Variants in PRELID2 observed in about 807,000 individuals in gnomAD.
PRELID2 encodes PRELI domain containing 2.
A neutral mutation model predicts 28.4 loss-of-function variants in PRELID2; 25 were observed. The observed-to-expected ratio is 0.88, with a 90% CI of 0.64 to 1.23. The LOEUF (loss-of-function observed/expected upper bound fraction) is 1.23, where lower values mean the gene tolerates loss of function less well. Among genes scored for constraint, PRELID2 ranks in the 50% most tolerant of loss-of-function variants. The pLI is 0.00. For synonymous variants in PRELID2, 76 were observed against 71.6 expected, an observed-to-expected ratio of 1.06 and a Z score of -0.31; for missense variants, 201 against 214.4, an observed-to-expected ratio of 0.94 and a Z score of 0.39.
At chr5:145,471,165 C>G (rs1752049642), downstream of PRELID2, among the ~76,000 whole-genome samples, 1 of 152,088 alleles carries the variant, frequency 6.6e-6, no homozygotes, top group Non-Finnish European at 1.5e-5. Flanking sequence ...AATTGACAGG[C>G]TCCTCCCCCA....
chr5:145,387,560 C>G, the PRELID2 span, among the ~76,000 whole-genome samples: 21 of 152,292 alleles, frequency 1.4e-4, no homozygotes, highest in Non-Finnish European at 2.5e-4. Context: ...TGTCTACGCA[C>G]TTAAAAACTG....
chr5:145,386,512 C>T, the PRELID2 span, among the ~76,000 whole-genome samples: 1 of 152,090 alleles, frequency 6.6e-6, no homozygotes. Flanking sequence ...AAGACATGCC[C>T]CTTCCCCTTC....
the PRELID2 span, among the ~76,000 whole-genome samples, chr5:145,311,786 G>T: frequency 6.6e-6 from 1 of 152,058 alleles, no homozygotes; most frequent in Non-Finnish European, 1.5e-5. Context: ...TGCCATGCCT[G>T]CCCTCTAGAA....
intron 1 of PRELID2, among the ~76,000 whole-genome samples, chr5:145,646,993 A>G (rs546330970): frequency 1.8e-4 from 28 of 152,274 alleles, no homozygotes; most frequent in African/African-American, 6.5e-4. Context: ...GTTACACAGG[A>G]GTCAGGGACC....
intron 5 of PRELID2, among the ~76,000 whole-genome samples, chr5:145,774,719 C>A (rs1016015150): frequency 6.6e-6 from 1 of 152,208 alleles, no homozygotes; most frequent in Non-Finnish European, 1.5e-5. Context: ...TTAGGCCCAG[C>A]AGGGTAAACC....
chr5:145,240,247 T>C, the PRELID2 span, among the ~76,000 whole-genome samples: 18 of 152,062 alleles, frequency 1.2e-4, no homozygotes, highest in African/African-American at 3.6e-4. Context: ...GCTTTCTTTT[T>C]TTCATCAGAC....
chr5:145,615,230 G>A (rs909005836), intron 1 of PRELID2, among the ~76,000 whole-genome samples: 5 of 151,618 alleles, frequency 3.3e-5, no homozygotes, highest in Non-Finnish European at 7.4e-5. Context: ...AACTACCCCT[G>A]CTCGCTTTTG....
rs550482209 is a variant in PRELID2 at position 145,787,361 on chromosome 5, C to T, written c.474+9081G>A. Among the ~76,000 whole-genome samples, 6 of 152,060 alleles carry T rather than the reference C, an allele frequency of 3.9e-5. No homozygotes were observed. The South Asian group carries it at 6.2e-4, about 16-fold the overall frequency. The stretch of plus-strand genomic sequence containing the variant: ...GCAACTATGTGGGGGTTCACCAAAA[C>T]GTTCTTTTGCTTTGCGTTTGGAAAT... On this transcript the variant is annotated intron_variant, in intron 5 of 6. Coordinates refer to ENST00000683046, the MANE Select transcript of PRELID2 (RefSeq NM_205846.3).
At chr5:145,512,387 A>G (rs954974894) in intron 1 of PRELID2, among the ~76,000 whole-genome samples, 1 of 152,172 alleles carries the variant, frequency 6.6e-6, no homozygotes, top group Non-Finnish European at 1.5e-5. Flanking sequence ...CCTGGAACTT[A>G]AACTGGAAAG....
the PRELID2 span, among the ~76,000 whole-genome samples, chr5:145,449,315 G>A: frequency 6.6e-6 from 1 of 152,068 alleles, no homozygotes; most frequent in African/African-American, 2.4e-5. Context: ...ATTGAGTGGT[G>A]GAGGGACTCT....
At chr5:145,344,022 C>G in the PRELID2 span, among the ~76,000 whole-genome samples, 1 of 151,690 alleles carries the variant, frequency 6.6e-6, no homozygotes, top group East Asian at 1.9e-4. Context: ...TAATAAGTCT[C>G]TCAAAAAGGA....
rs188346054 is a variant in PRELID2, at chr5:145,786,810, C to A, written c.474+9632G>T. Among the ~76,000 whole-genome samples, 404 of 152,186 alleles carry A rather than the reference C, an allele frequency of 2.7e-3. 2 individuals are homozygous for A. Among genetic ancestry groups the A allele is most frequent in the Non-Finnish European group, 4.4e-3 (300 of 68,008 alleles). ...TAGTATCTCCACTTTTTTCTTGAGTCCCAGGAAATTATCTCCCACTACTAA... is the reference window on the plus strand; with the variant it reads ...TAGTATCTCCACTTTTTTCTTGAGTACCAGGAAATTATCTCCCACTACTAA... On this transcript the variant is annotated intron_variant, in intron 5 of 6. Transcript: ENST00000683046.
At chr5:145,356,056 A>G in the PRELID2 span, among the ~76,000 whole-genome samples, 1 of 152,192 alleles carries the variant, frequency 6.6e-6, no homozygotes. Flanking sequence ...AAAACTCTCC[A>G]AAGTTAACAG....
At chr5:145,297,147 G>C in the PRELID2 span, among the ~76,000 whole-genome samples, 8 of 152,108 alleles carry the variant, frequency 5.3e-5, no homozygotes, top group East Asian at 1.4e-3. Flanking sequence ...TAGGTTGCCT[G>C]TTCACTCTGA....
At chr5:145,343,887 A>G in the PRELID2 span, among the ~76,000 whole-genome samples, 5 of 151,858 alleles carry the variant, frequency 3.3e-5, no homozygotes, top group Admixed American at 3.3e-4. Context: ...ATAAACAGAT[A>G]TATACCAACA....
intron 5 of PRELID2, among the ~76,000 whole-genome samples, chr5:145,793,769 G>A (rs984018250): frequency 1.2e-4 from 19 of 152,130 alleles, no homozygotes; most frequent in African/African-American, 3.9e-4. Context: ...ACGAATGGAT[G>A]GAACACTGTC....
chr5:145,536,980 T>C (rs1461730729), intron 1 of PRELID2, among the ~76,000 whole-genome samples: 1 of 151,860 alleles, frequency 6.6e-6, no homozygotes, highest in Non-Finnish European at 1.5e-5. Context: ...TTTTTAATTT[T>C]TAAAAAATTA....
intron 1 of PRELID2, among the ~76,000 whole-genome samples, chr5:145,641,655 T>TC (rs1461039021): frequency 1.3e-5 from 2 of 151,596 alleles, no homozygotes; most frequent in Non-Finnish European, 1.5e-5. Flanking sequence ...ATGCTATCCC[T>TC]CCCCAAGCCC....
At chr5:145,392,061 T>C in the PRELID2 span, among the ~76,000 whole-genome samples, 7,067 of 152,250 alleles carry the variant, frequency 0.046, 271 homozygotes, top group South Asian at 0.17. Context: ...TTCCGACCTC[T>C]GTCTGTTACC....
Sources: allele counts gnomAD v4.1 joint callset (sites outside exome capture counted in the v4.1 genomes callset), GRCh38; gene constraint gnomAD v4.1.1; transcripts MANE v1.5; gene names NCBI Gene and HGNC (gene_info 2026-07-23, HGNC 2026-07-21).